The following DENND5A variants were observed in gnomAD, a reference collection of about 807,000 sequenced individuals.
DENND5A encodes the protein DENN domain containing 5A.
A neutral mutation model predicts 140.3 loss-of-function variants in DENND5A; 64 were observed. That is an observed-to-expected ratio of 0.46 (90% CI 0.37 to 0.56). DENND5A has a LOEUF of 0.56. DENND5A is among the 20% of genes least tolerant of loss of function. The pLI is 0.00. For synonymous variants in DENND5A, 605 were observed against 607.7 expected (o/e 1.00, Z 0.07); for missense variants, 1,292 against 1,593.8 (o/e 0.81, Z 3.22).
At chr11:9,242,014 C>CAAAAA in intron 1 of DENND5A, among the ~76,000 whole-genome samples, 1 of 58,166 alleles carries the variant, frequency 1.7e-5, no homozygotes, top group Middle Eastern at 7.8e-3. Flanking sequence ...AACTCCGTCT[C>CAAAAA]AAAAAAAAAA....
chr11:9,168,576 G>A (rs1848265316), intron 10 of DENND5A, among the ~76,000 whole-genome samples: 1 of 152,038 alleles, frequency 6.6e-6, no homozygotes, highest in Non-Finnish European at 1.5e-5. Flanking sequence ...GAGGTTAGGT[G>A]GAAGACAGAC....
chr11:9,152,879 C>T (rs1256790290), intron 12 of DENND5A, among the ~76,000 whole-genome samples: 1 of 151,640 alleles, frequency 6.6e-6, no homozygotes, highest in Non-Finnish European at 1.5e-5. Flanking sequence ...TGGTGCATGG[C>T]TATAATCCCA....
At chr11:9,200,192 C>A (rs558399678) in intron 4 of DENND5A, among the ~76,000 whole-genome samples, 1 of 152,196 alleles carries the variant, frequency 6.6e-6, no homozygotes, top group Non-Finnish European at 1.5e-5. Flanking sequence ...CCTCTAAACA[C>A]CCCCAATGCC....
Position 9,188,417 on chromosome 11 carries a change from T to C in DENND5A, c.1137+5077A>G, listed in dbSNP as rs557337377. ...AATTGGTACCAGTAGAGTGGGGCGCTGCTTAAAAGATACCCAAAAATGTGG... is the reference window on the plus strand; with the variant it reads ...AATTGGTACCAGTAGAGTGGGGCGCCGCTTAAAAGATACCCAAAAATGTGG... On this transcript the variant is annotated intron_variant, in intron 5 of 22. Transcript: ENST00000328194. Among the ~76,000 whole-genome samples, 8 of 152,314 alleles carry C rather than the reference T, an allele frequency of 5.3e-5. No individual in the cohort carries two copies. In the South Asian group the frequency reaches 1.4e-3, roughly 28 times the overall value.
At position 9,147,034 on chromosome 11, in the gene DENND5A, A is replaced by G; in HGVS notation, c.2853T>C (p.Thr951=). 6.2e-7 allele frequency: 1 copy of G among 1,614,202 alleles called. No individual in the cohort carries two copies. The highest frequency in any genetic ancestry group is 8.5e-7 in the Non-Finnish European group (1 of 1,179,986). Residue 951 remains threonine, a synonymous_variant, in exon 16 of 23, where the codon ACT becomes ACC. Coordinates refer to ENST00000328194, the MANE Select transcript of DENND5A (RefSeq NM_015213.4). ...DYFCFTNVFT[T]ILIPYHILIV... ...TGGGAGCACAGGGCTACTCACGGATAGTTGTGAAGACATTGGTGAAGCAAA... is the reference window on the plus strand; with the variant it reads ...TGGGAGCACAGGGCTACTCACGGATGGTTGTGAAGACATTGGTGAAGCAAA...
chr11:9,175,679 C>T (rs532223913), intron 8 of DENND5A: 2 of 151,936 alleles, frequency 1.3e-5, no homozygotes, highest in East Asian at 3.9e-4. Context: ...CAGAAGTAGA[C>T]GAACACATAT....
intron 1 of DENND5A, among the ~76,000 whole-genome samples, chr11:9,250,705 T>C (rs1240267648): frequency 6.6e-6 from 1 of 152,214 alleles, no homozygotes; most frequent in Non-Finnish European, 1.5e-5. Context: ...AAGTCATTTA[T>C]AAATATTAAT....
chr11:9,170,383 G>A (rs189821476), intron 9 of DENND5A: 183 of 684,660 alleles, frequency 2.7e-4, no homozygotes, highest in Middle Eastern at 7.6e-4. Flanking sequence ...TAACCCATCT[G>A]CAGCTTTTTG....
chr11:9,204,312 A>G lies in DENND5A; in HGVS notation c.297T>C (p.Cys99=), dbSNP rs1473172320. 3 of 1,608,250 alleles carry G rather than the reference A, an allele frequency of 1.9e-6. No homozygotes were observed. The highest frequency in any genetic ancestry group is 2.7e-5 in the African/African-American group (2 of 74,884). ...PFDQDAVGML[C]MPKGLAFKTQ... ...TCTTGAATGCCAGCCCTTTCGGCAT[A>G]CATAGCTGCAAAAGACAACAAGGCA... Residue 99 remains cysteine (C), a synonymous_variant, in exon 4 of 23, where the codon TGT becomes TGC. Transcript: ENST00000328194.
intron 1 of DENND5A, among the ~76,000 whole-genome samples, chr11:9,220,759 G>T (rs1357195526): frequency 1.3e-5 from 2 of 152,030 alleles, no homozygotes; most frequent in Non-Finnish European, 2.9e-5. Flanking sequence ...CAGGCATGGT[G>T]GTGGGTACCT....
At chr11:9,243,179 C>T (rs1291441631) in intron 1 of DENND5A, among the ~76,000 whole-genome samples, 3 of 150,696 alleles carry the variant, frequency 2.0e-5, no homozygotes, top group Non-Finnish European at 3.0e-5. Flanking sequence ...TGACTTTGGC[C>T]TCATTAAATG....
chr11:9,209,423 G>A (rs1331480035), intron 1 of DENND5A, among the ~76,000 whole-genome samples: 1 of 152,162 alleles, frequency 6.6e-6, no homozygotes, highest in Non-Finnish European at 1.5e-5. Context: ...GGTCAAAAGG[G>A]AGAGAAAGGC....
chr11:9,167,734 C>T (rs188425151), intron 10 of DENND5A, among the ~76,000 whole-genome samples: 1 of 152,226 alleles, frequency 6.6e-6, no homozygotes, highest in East Asian at 1.9e-4. Flanking sequence ...GCCTTGGAGG[C>T]AGAGGTTGCA....
At chr11:9,238,187 A>G (rs1365668964) in intron 1 of DENND5A, among the ~76,000 whole-genome samples, 1 of 152,142 alleles carries the variant, frequency 6.6e-6, no homozygotes, top group African/African-American at 2.4e-5. Flanking sequence ...TCAGGAGCAT[A>G]CTCACGATAC....
intron 12 of DENND5A, among the ~76,000 whole-genome samples, chr11:9,156,053 T>C (rs1847791083): frequency 6.6e-6 from 1 of 152,136 alleles, no homozygotes; most frequent in East Asian, 1.9e-4. Context: ...TCTGGGTGTA[T>C]GATAAAGGAC....
At chr11:9,217,553 C>T (rs563218988) in intron 1 of DENND5A, among the ~76,000 whole-genome samples, 49 of 152,120 alleles carry the variant, frequency 3.2e-4, no homozygotes, top group African/African-American at 9.9e-4. Flanking sequence ...AAAAGGCCTA[C>T]GTATGGAGAC....
intron 5 of DENND5A, among the ~76,000 whole-genome samples, chr11:9,190,006 G>T (rs11042212): frequency 0.049 from 7,471 of 152,256 alleles, 265 homozygotes; most frequent in Non-Finnish European, 0.073. Context: ...GATCATTTTG[G>T]AACTTTAAGA....
At chr11:9,230,532 C>T (rs1363636580) in intron 1 of DENND5A, among the ~76,000 whole-genome samples, 2 of 152,032 alleles carry the variant, frequency 1.3e-5, no homozygotes, top group African/African-American at 4.8e-5. Flanking sequence ...TGAGCCACAC[C>T]CAGCCTCTTA....
At chr11:9,215,550 CTTT>C (rs10655528) in intron 1 of DENND5A, among the ~76,000 whole-genome samples, 1 of 140,516 alleles carries the variant, frequency 7.1e-6, no homozygotes. Context: ...ATCCTGTGTT[CTTT>C]TTTTTTTTTT....
Sources: allele counts gnomAD v4.1 joint callset (sites outside exome capture counted in the v4.1 genomes callset), GRCh38; gene constraint gnomAD v4.1.1; transcripts MANE v1.5; gene names NCBI Gene and HGNC (gene_info 2026-07-23, HGNC 2026-07-21).